Variants in PKMYT1 observed in about 807,000 individuals in gnomAD.
PKMYT1 encodes the protein protein kinase, membrane associated tyrosine/threonine 1, also known as membrane-associated tyrosine- and threonine-specific cdc2-inhibitory kinase.
In PKMYT1, 35 loss-of-function variants were observed where a neutral mutation model predicts 49.7. The ratio of observed to expected loss-of-function variants is 0.70; its 90% CI spans 0.54 to 0.93. The LOEUF is 0.93. Among genes scored for constraint, PKMYT1 ranks in the 40% least tolerant of loss-of-function variants. The probability of loss-of-function intolerance (pLI) is 0.00; values close to 1 mark genes in which losing one functional copy is unlikely to be tolerated. For missense variants in PKMYT1, 677 were observed against 673.1 expected (o/e 1.01, Z -0.06); for synonymous variants, 331 against 287.6 (o/e 1.15, Z -1.53).
intron 7 of PKMYT1, chr16:2,973,549 A>C: frequency 1.0e-6 from 1 of 979,420 alleles, no homozygotes; most frequent in Non-Finnish European, 1.4e-6. Flanking sequence ...GTTTGTAAGG[A>C]AGGGGCTAAC....
chr16:2,974,471 G>T (rs1244484290), intron 5 of PKMYT1, 54 bp from the exon 6 acceptor site: 2 of 1,555,576 alleles, frequency 1.3e-6, no homozygotes, highest in Non-Finnish European at 1.7e-6. Context: ...TGCACCCTGA[G>T]CCCAGCAGTG....
Position 2,979,841 on chromosome 16 carries a change from C to A in PKMYT1, c.-184G>T. Reference sequence around the variant, plus strand: ...CAGGCCCGACACATCTGCTGGCCACCTTTCCCGGTAGACGGTAAGTTCCTC... The same window carrying A: ...CAGGCCCGACACATCTGCTGGCCACATTTCCCGGTAGACGGTAAGTTCCTC... On this transcript the variant is annotated 5_prime_UTR_variant, in exon 2 of 9. It adds an upstream start codon to the 5' untranslated region. Transcript: ENST00000262300. The A allele has an allele frequency of 1.6e-6, 1 of 644,752 alleles. No homozygotes were observed. Among genetic ancestry groups the A allele is most frequent in the Non-Finnish European group, 2.7e-6 (1 of 367,400 alleles). 39.9% of individuals were successfully genotyped at this position (644,752 alleles called of 1,614,324 possible).
intron 2 of PKMYT1, among the ~76,000 whole-genome samples, chr16:2,978,309 G>T (rs949146404): frequency 1.1e-4 from 17 of 152,160 alleles, no homozygotes; most frequent in Non-Finnish European, 4.4e-5. Context: ...GAAGAGACTG[G>T]TACCCGCATT....
chr16:2,977,082 C>G (rs745993614), intron 2 of PKMYT1, 51 bp from the exon 3 acceptor site: 105 of 1,585,754 alleles, frequency 6.6e-5, no homozygotes, highest in Non-Finnish European at 8.3e-5. Context: ...CACTCTGATA[C>G]CACCTGGCCC....
intron 2 of PKMYT1, among the ~76,000 whole-genome samples, chr16:2,977,968 G>A (rs1036871489): frequency 2.0e-5 from 3 of 152,132 alleles, no homozygotes; most frequent in Middle Eastern, 3.2e-3. Context: ...TCTCAGGCCC[G>A]GCAGGCTGGG....
In PKMYT1 at chr16:2,976,988, C is replaced by T. The variant is rs752981505; in HGVS notation, c.54G>A (p.Pro18=). 28 of 1,566,580 alleles carry T rather than the reference C, an allele frequency of 1.8e-5. No homozygotes were observed. In the Admixed American group the frequency reaches 3.2e-4, roughly 18 times the overall value. ...GGATGGGGGTGCCACTCAGAGGTGG[C>T]GGGGTGCCCTCCGTGGGCATGGGCA... ...LAMPMPTEGT[P]PPLSGTPIPV... The change falls in exon 3 of 9, where the codon CCG becomes CCA. Residue 18 remains proline, a synonymous_variant. Coordinates refer to ENST00000262300, the MANE Select transcript of PKMYT1 (RefSeq NM_004203.5).
intron 2 of PKMYT1, among the ~76,000 whole-genome samples, chr16:2,978,491 T>TA (rs1596455791): frequency 6.6e-6 from 1 of 152,166 alleles, no homozygotes; most frequent in African/African-American, 2.4e-5. Flanking sequence ...CTCATGCCTG[T>TA]AATCCCAGCA....
chr16:2,975,873 T>C (rs566213721), intron 3 of PKMYT1, 61 bp from the exon 4 acceptor site: 2 of 1,531,730 alleles, frequency 1.3e-6, no homozygotes, highest in South Asian at 2.5e-5. Flanking sequence ...CACAATCACA[T>C]AGGGGGACAA....
chr16:2,976,801 G>C lies in PKMYT1; in HGVS notation c.241C>G (p.Arg81Gly). The C allele has an allele frequency of 5.7e-6, 9 of 1,575,076 alleles. No homozygotes were observed. The highest frequency in any genetic ancestry group is 7.8e-6 in the Non-Finnish European group (9 of 1,158,608). ...GAGGCCTCGCCCCGGAATGACACCC[G>C]CCGGGGCTGCAGCTGGTGCCAGCCT... ...TPGWHQLQPR[R>G]VSFRGEASET... The change falls in exon 3 of 9, where the codon CGG (arginine) becomes GGG (glycine). Residue 81 changes from arginine to glycine, a missense_variant. Transcript: ENST00000262300.
In PKMYT1 at chr16:2,976,097, G is replaced by A. The variant is rs541002380; in HGVS notation, c.379-285C>T. ...ACGAGGTGGAAAAAGCAGCTGCAGA[G>A]CAACACAGGCAGCCCAGGCTGTGGT... On this transcript the variant is annotated intron_variant, in intron 3 of 8. Coordinates refer to ENST00000262300, the MANE Select transcript of PKMYT1 (RefSeq NM_004203.5). 6.9e-5 allele frequency: 29 copies of A among 420,626 alleles called. No individual in the cohort carries two copies. In the South Asian group the frequency reaches 1.4e-3, roughly 20 times the overall value. The allele number at this position is 420,626 out of a possible 1,614,324, so 26.1% of individuals were successfully genotyped here.
In PKMYT1 at chr16:2,976,933, G is replaced by C. The variant is rs2072212536; in HGVS notation, c.109C>G (p.Pro37Ala). The C allele has an allele frequency of 6.5e-7, 1 of 1,549,434 alleles. No individual in the cohort carries two copies. The highest frequency in any genetic ancestry group is 8.7e-7 in the Non-Finnish European group (1 of 1,144,672). The stretch of plus-strand genomic sequence containing the variant: ...CTGGGCCTCTTGAGGGAGAATCCAG[G>C]TTCTGCGTGGCGGAAGTAGGCTGGG... ...PVPAYFRHAE[P>A]GFSLKRPRGL... The change falls in exon 3 of 9, where the codon CCT becomes GCT. Residue 37 changes from proline (P) to alanine (A), a missense_variant. Transcript: ENST00000262300.
At position 2,976,663 on chromosome 16, in the gene PKMYT1, C is replaced by T. The variant is rs1333990957; in HGVS notation, c.378+1G>A. On this transcript the variant is annotated splice_donor_variant, in intron 3 of 8. Coordinates refer to ENST00000262300, the MANE Select transcript of PKMYT1 (RefSeq NM_004203.5). LOFTEE classifies it high-confidence loss of function. Reference sequence around the variant, plus strand: ...GGCCTAGAAGCCGTCCCCTCACTCACCTTGAAGACCTCTCCGTAGGAGCCA... The same window carrying T: ...GGCCTAGAAGCCGTCCCCTCACTCATCTTGAAGACCTCTCCGTAGGAGCCA... The T allele has an allele frequency of 3.4e-6, 5 of 1,462,114 alleles. No homozygotes were observed. In the African/African-American group the frequency reaches 5.6e-5, roughly 17 times the overall value. 90.6% of individuals were successfully genotyped at this position (1,462,114 alleles called of 1,614,324 possible).
chr16:2,975,747 G>A lies in PKMYT1; in HGVS notation c.444C>T (p.Pro148=), dbSNP rs1255892691. Reference sequence around the variant, plus strand: ...CGGCCAACTTGCGGGCCCGGTCCTTGGGGCCCCGGAATGGTGACATGGAAC... The same window carrying A: ...CGGCCAACTTGCGGGCCCGGTCCTTAGGGCCCCGGAATGGTGACATGGAAC... ...VKRSMSPFRG[P]KDRARKLAEV... The change falls in exon 4 of 9, where the codon CCC becomes CCT. Residue 148 remains proline, a synonymous_variant. Coordinates refer to ENST00000262300, the MANE Select transcript of PKMYT1 (RefSeq NM_004203.5). 1.9e-6 allele frequency: 3 copies of A among 1,601,744 alleles called. No individual in the cohort carries two copies. In the Admixed American group the frequency reaches 5.0e-5, roughly 27 times the overall value.
At chr16:2,973,699 A>C (rs2072083772) in intron 7 of PKMYT1, 1 of 492,200 alleles carries the variant, frequency 2.0e-6, no homozygotes, top group African/African-American at 2.0e-5. Context: ...CTCTTCCCAG[A>C]GAAGGGACAA....
Position 2,972,920 on chromosome 16 carries a change from A to C in PKMYT1, c.*33T>G. 6.3e-7 allele frequency: 1 copy of C among 1,575,988 alleles called. No individual in the cohort carries two copies. Among genetic ancestry groups the C allele is most frequent in the Non-Finnish European group, 8.6e-7 (1 of 1,159,912 alleles). On this transcript the variant is annotated 3_prime_UTR_variant, in exon 9 of 9. Transcript: ENST00000262300. ...AGGGCGACGGGAGAGACACAGGATA[A>C]AAGGTTAAAAGTGCAGAGGCAGAGT...
chr16:2,973,708 A>G, intron 7 of PKMYT1: 1 of 508,888 alleles, frequency 2.0e-6, no homozygotes, highest in South Asian at 2.1e-5. Flanking sequence ...GAGAAGGGAC[A>G]ATGTTTTATC....
In PKMYT1 at chr16:2,974,423, C is replaced by T. The variant is rs2072121374; in HGVS notation, c.980-6G>A. ...ACGCAGCTCGGAAGACAGACCTGCC[C>T]ATGAGGAAGGGCCACATCGGGGTCC... On this transcript the variant is annotated splice_region_variant and splice_polypyrimidine_tract_variant and intron_variant, in intron 5 of 8. Transcript: ENST00000262300. 3.7e-6 allele frequency: 6 copies of T among 1,604,686 alleles called. No homozygotes were observed. The highest frequency in any genetic ancestry group is 5.1e-6 in the Non-Finnish European group (6 of 1,174,314).
chr16:2,975,881 C>T, intron 3 of PKMYT1, 69 bp from the exon 4 acceptor site: 2 of 1,514,796 alleles, frequency 1.3e-6, no homozygotes, highest in Non-Finnish European at 8.9e-7. Context: ...CATAGGGGGA[C>T]AACCTGGCAG....
chr16:2,973,231 C>G lies in PKMYT1; in HGVS notation c.1311-16G>C. ...GAGTGAAGGCCTGCAGGAGGGCAGG[C>G]GAGACAAGGAGGGTGTCCAGGGCTA... On this transcript the variant is annotated splice_polypyrimidine_tract_variant and intron_variant, in intron 7 of 8. Transcript: ENST00000262300. 1.3e-6 allele frequency: 2 copies of G among 1,485,860 alleles called. No homozygotes were observed. Among genetic ancestry groups the G allele is most frequent in the South Asian group, 2.8e-5 (2 of 72,598 alleles). 92.0% of individuals were successfully genotyped at this position (1,485,860 alleles called of 1,614,324 possible). A position where few individuals can be genotyped will look rare whatever the true frequency, so the allele number is the denominator to read the frequency against.
Sources: allele counts gnomAD v4.1 joint callset (sites outside exome capture counted in the v4.1 genomes callset), GRCh38; gene constraint gnomAD v4.1.1; transcripts MANE v1.5; gene names NCBI Gene and HGNC (gene_info 2026-07-23, HGNC 2026-07-21).